CRMP1: variants seen among roughly 807,000 people sequenced by gnomAD.
The protein encoded by CRMP1 is collapsin response mediator protein 1.
In CRMP1, 19 loss-of-function variants were observed where a neutral mutation model predicts 68.3. That is an observed-to-expected ratio of 0.28 (90% CI 0.19 to 0.41). CRMP1 has a LOEUF of 0.41. Ranked by LOEUF, CRMP1 falls within the 10% of genes least tolerant of loss-of-function variation. The pLI, the probability that CRMP1 is intolerant of heterozygous loss-of-function variation, is 1.00. For missense variants in CRMP1, 791 were observed against 967.4 expected, an observed-to-expected ratio of 0.82 and a Z score of 2.42; for synonymous variants, 439 against 399.6, an observed-to-expected ratio of 1.10 and a Z score of -1.18.
Position 5,871,436 on chromosome 4 carries a change from G to A in CRMP1, c.382-4680C>T, listed in dbSNP as rs191585385. Among the ~76,000 whole-genome samples the A allele has an allele frequency of 3.1e-3, 467 of 152,172 alleles. 6 individuals are homozygous for A. Among genetic ancestry groups the A allele is most frequent in the African/African-American group, 0.011 (439 of 41,526 alleles). On this transcript the variant is annotated intron_variant, in intron 1 of 13. Transcript: ENST00000324989. ...AGCACTTTGGGAGGCTGAGGTGGGC[G>A]GATCACGAGGTCAGGAGATCAAGAC...
intron 13 of CRMP1, chr4:5,824,511 C>T: frequency 1.0e-6 from 1 of 985,292 alleles, no homozygotes; most frequent in South Asian, 4.7e-5. Context: ...TTTGCCCCTT[C>T]CACTCTCTCT....
In CRMP1 at chr4:5,860,223, C is replaced by T. The variant is rs768476840; in HGVS notation, c.655+803G>A. On this transcript the variant is annotated intron_variant, in intron 3 of 13. Transcript: ENST00000324989. The surrounding 1 kb of genome is among the most constrained non-coding windows in gnomAD (Gnocchi z 4.2). ...AATGGAATGTGGGTGGAAGTTGCAGCATGGAAGTGAGGAGATGAGGCAGTG... is the reference window on the plus strand; with the variant it reads ...AATGGAATGTGGGTGGAAGTTGCAGTATGGAAGTGAGGAGATGAGGCAGTG... 6.6e-6 allele frequency among the ~76,000 whole-genome samples: 1 copy of T among 152,144 alleles called. No homozygotes were observed. The highest frequency in any genetic ancestry group is 1.5e-5 in the Non-Finnish European group (1 of 68,042).
rs1343074508 is a variant in CRMP1 at position 5,891,040 on chromosome 4, G to C, written c.381+1549C>G. Among the ~76,000 whole-genome samples, 3 of 151,996 alleles carry C rather than the reference G, an allele frequency of 2.0e-5. No individual in the cohort carries two copies. The highest frequency in any genetic ancestry group is 2.9e-5 in the Non-Finnish European group (2 of 67,996). ...GCCCAGAAGCCTCCCCATCGGGCTC[G>C]GGAGTTTGGATCCCAAGAGAGGTCG... On this transcript the variant is annotated intron_variant, in intron 1 of 13. Coordinates refer to ENST00000324989, the MANE Select transcript of CRMP1 (RefSeq NM_001014809.3). This position sits in a 1 kb window ranked among gnomAD's most constrained non-coding sequence, Gnocchi z 5.2.
Position 5,881,561 on chromosome 4 carries a change from C to T in CRMP1, c.381+11028G>A, listed in dbSNP as rs544697841. 2.6e-5 allele frequency among the ~76,000 whole-genome samples: 4 copies of T among 152,260 alleles called. No individual in the cohort carries two copies. The highest frequency in any genetic ancestry group is 9.6e-5 in the African/African-American group (4 of 41,552). On this transcript the variant is annotated intron_variant, in intron 1 of 13. Transcript: ENST00000324989. The surrounding 1 kb of genome is among the most constrained non-coding windows in gnomAD (Gnocchi z 4.6). ...TTCAGCACCGTGGTGCTGTCCACTG[C>T]CCCGACCATGTTCTTTTATATGCTC...
At chr4:5,852,574 G>A (rs1712739966) in intron 4 of CRMP1, among the ~76,000 whole-genome samples, 1 of 152,188 alleles carries the variant, frequency 6.6e-6, no homozygotes, top group Middle Eastern at 3.2e-3. Context: ...TGCTGGGCAT[G>A]TGCTAAGCAC....
Position 5,890,171 on chromosome 4 carries a change from G to T in CRMP1, c.381+2418C>A. The T allele has an allele frequency of 5.7e-6, 1 of 175,936 alleles. No homozygotes were observed. The highest frequency in any genetic ancestry group is 5.5e-5 in the Admixed American group (1 of 18,246). 10.9% of individuals were successfully genotyped at this position (175,936 alleles called of 1,614,324 possible). On this transcript the variant is annotated intron_variant, in intron 1 of 13. Coordinates refer to ENST00000324989, the MANE Select transcript of CRMP1 (RefSeq NM_001014809.3). This position sits in a 1 kb window ranked among gnomAD's most constrained non-coding sequence, Gnocchi z 5.5. ...ACACTCCCTTCCTTGGAGTTGTTAA[G>T]TCCTAGGTTCCCCGTACCAGGGCGT... is the stretch of plus-strand genomic sequence containing the variant.
chr4:5,867,344 TC>T (rs1264105899), intron 1 of CRMP1, among the ~76,000 whole-genome samples: 1 of 152,180 alleles, frequency 6.6e-6, no homozygotes, highest in Non-Finnish European at 1.5e-5. Context: ...CACTGGCCCC[TC>T]CTCCCTTTTC....
rs1365830889 is a variant in CRMP1, at chr4:5,870,691, C to A, written c.382-3935G>T. Reference sequence around the variant, plus strand: ...ACATCCCGTTCTTCAGCAGGAGGGTCTCTGGAGGAAGATGTTTCAAGGTAA... The same window carrying A: ...ACATCCCGTTCTTCAGCAGGAGGGTATCTGGAGGAAGATGTTTCAAGGTAA... On this transcript the variant is annotated intron_variant, in intron 1 of 13. Transcript: ENST00000324989. The surrounding 1 kb of genome is among the most constrained non-coding windows in gnomAD (Gnocchi z 6.0). 6.6e-6 allele frequency among the ~76,000 whole-genome samples: 1 copy of A among 152,190 alleles called. No individual in the cohort carries two copies. The highest frequency in any genetic ancestry group is 1.5e-5 in the Non-Finnish European group (1 of 68,034).
chr4:5,880,757 C>T (rs968223012), intron 1 of CRMP1, among the ~76,000 whole-genome samples: 6 of 152,206 alleles, frequency 3.9e-5, no homozygotes, highest in Non-Finnish European at 7.3e-5. Flanking sequence ...TCTCATTCTG[C>T]ATAGTAACTA....
chr4:5,892,531 C>T lies in CRMP1; in HGVS notation c.381+58G>A. 1.7e-6 allele frequency: 2 copies of T among 1,158,774 alleles called. No homozygotes were observed. Among genetic ancestry groups the T allele is most frequent in the Non-Finnish European group, 2.1e-6 (2 of 940,948 alleles). 71.8% of individuals were successfully genotyped at this position (1,158,774 alleles called of 1,614,324 possible). A position where few individuals can be genotyped will look rare whatever the true frequency, so the allele number is the denominator to read the frequency against. On this transcript the variant is annotated intron_variant, in intron 1 of 13. Coordinates refer to ENST00000324989, the MANE Select transcript of CRMP1 (RefSeq NM_001014809.3). This position sits in a 1 kb window ranked among gnomAD's most constrained non-coding sequence, Gnocchi z 8.6. The stretch of plus-strand genomic sequence containing the variant: ...GGGCATGGCCCTCGGGCGCCCCATG[C>T]CCTGGGTCCTCCCGGGGCCCGCCCC...
intron 1 of CRMP1, among the ~76,000 whole-genome samples, chr4:5,871,353 C>T (rs1024842814): frequency 2.0e-5 from 3 of 152,092 alleles, no homozygotes; most frequent in African/African-American, 7.2e-5. Flanking sequence ...TACCCGGTGC[C>T]GTGAGTTTAG....
rs148593249 is a variant in CRMP1 at position 5,883,655 on chromosome 4, G to GACACACACACACACAC, written c.381+8918_381+8933dup. 1.0e-2 allele frequency among the ~76,000 whole-genome samples: 1,494 copies of GACACACACACACACAC among 149,658 alleles called. 11 individuals are homozygous for GACACACACACACACAC. Among genetic ancestry groups the GACACACACACACACAC allele is most frequent in the Middle Eastern group, 0.045 (13 of 288 alleles). On this transcript the variant is annotated intron_variant, in intron 1 of 13. Coordinates refer to ENST00000324989, the MANE Select transcript of CRMP1 (RefSeq NM_001014809.3). This position sits in a 1 kb window ranked among gnomAD's most constrained non-coding sequence, Gnocchi z 4.5. ...AGATGGCAAGATAATTAAGGTCAGG[G>GACACACACACACACAC]ACACACACACACACACACACACACA...
At chr4:5,824,493 T>C (rs1348824568) in intron 13 of CRMP1, 1 of 985,184 alleles carries the variant, frequency 1.0e-6, no homozygotes, top group Admixed American at 6.1e-5. Context: ...CCTCTCTCTC[T>C]CTCTCTCTTT....
In CRMP1 at chr4:5,891,164, C is replaced by CCACACA. The variant is rs1239944357; in HGVS notation, c.381+1419_381+1424dup. ...ATCTCCCTTTCTGATCACCCCACCA[C>CCACACA]CACACACACATACACACACACACAC... On this transcript the variant is annotated intron_variant, in intron 1 of 13. Transcript: ENST00000324989. The surrounding 1 kb of genome is among the most constrained non-coding windows in gnomAD (Gnocchi z 5.2). 2.1e-4 allele frequency among the ~76,000 whole-genome samples: 13 copies of CCACACA among 63,376 alleles called. No individual in the cohort carries two copies. Among genetic ancestry groups the CCACACA allele is most frequent in the East Asian group, 6.3e-4 (1 of 1,600 alleles). The allele number at this position is 63,376 out of a possible 152,430, so 41.6% of individuals were successfully genotyped here.
rs544139530 is a variant in CRMP1 at position 5,826,226 on chromosome 4, G to C, written c.1804-567C>G. On this transcript the variant is annotated intron_variant, in intron 12 of 13. Transcript: ENST00000324989. ...TGACACTACCACCTACCCACCCCCG[G>C]AAAGGACCCCTGAGTCCCAGACAAG... The C allele has an allele frequency of 1.8e-4, 26 of 144,738 alleles. 1 individual carries two copies. The South Asian group carries it at 5.4e-3, about 30-fold the overall frequency. 9.0% of individuals were successfully genotyped at this position (144,738 alleles called of 1,614,324 possible). A position where few individuals can be genotyped will look rare whatever the true frequency, so the allele number is the denominator to read the frequency against.
chr4:5,892,907 C>G lies in CRMP1; in HGVS notation c.63G>C (p.Pro21=), dbSNP rs1577860213. Residue 21 remains proline, a synonymous_variant, in exon 1 of 14, where the codon CCG becomes CCC. Coordinates refer to ENST00000324989, the MANE Select transcript of CRMP1 (RefSeq NM_001014809.3). The surrounding 1 kb of genome is among the most constrained non-coding windows in gnomAD (Gnocchi z 8.6). The stretch of plus-strand genomic sequence containing the variant: ...GGCGCGGGGTCTGCGCCGCGCTGCC[C>G]GGCCGCGCCAGGTACACGGGCAGGT... ...EDDLPVYLAR[P]GSAAQTPRQK... 1.5e-6 allele frequency: 2 copies of G among 1,361,604 alleles called. No individual in the cohort carries two copies. The highest frequency in any genetic ancestry group is 1.5e-5 in the African/African-American group (1 of 65,102). The allele number at this position is 1,361,604 out of a possible 1,614,324, so 84.3% of individuals were successfully genotyped here. A position where few individuals can be genotyped will look rare whatever the true frequency, so the allele number is the denominator to read the frequency against.
rs564627983 is a variant in CRMP1, at chr4:5,855,818, A to G, written c.820+325T>C. Among the ~76,000 whole-genome samples, 1 of 152,230 alleles carries G rather than the reference A, an allele frequency of 6.6e-6. No individual in the cohort carries two copies. Among genetic ancestry groups the G allele is most frequent in the Non-Finnish European group, 1.5e-5 (1 of 68,048 alleles). ...TCCACATGAGCAAGGGCCTCACAGC[A>G]TAGCCAGTTTCAGGGATGGCAGCCA... On this transcript the variant is annotated intron_variant, in intron 4 of 13. Transcript: ENST00000324989. The surrounding 1 kb of genome is among the most constrained non-coding windows in gnomAD (Gnocchi z 4.9).
intron 1 of CRMP1, among the ~76,000 whole-genome samples, chr4:5,868,257 A>ATATCTATC (rs1201999131): frequency 4.0e-4 from 33 of 82,390 alleles, no homozygotes; most frequent in Middle Eastern, 6.0e-3. Context: ...TCATGACTAT[A>ATATCTATC]TATCTATATA....
Position 5,888,142 on chromosome 4 carries a change from G to A in CRMP1, c.381+4447C>T, listed in dbSNP as rs897984826. The A allele has an allele frequency of 5.4e-5, 66 of 1,223,788 alleles. No individual in the cohort carries two copies. The highest frequency in any genetic ancestry group is 5.7e-4 in the Middle Eastern group (2 of 3,502). 75.8% of individuals were successfully genotyped at this position (1,223,788 alleles called of 1,614,324 possible). ...GGAGGCCTCGGGGGGCGCCCCTGCC[G>A]GCGCCCCGTGGATCTGGACCCTGCC... On this transcript the variant is annotated intron_variant, in intron 1 of 13. Transcript: ENST00000324989. This position sits in a 1 kb window ranked among gnomAD's most constrained non-coding sequence, Gnocchi z 6.4.
Sources: allele counts gnomAD v4.1 joint callset (sites outside exome capture counted in the v4.1 genomes callset), GRCh38; gene constraint gnomAD v4.1.1; non-coding constraint Gnocchi (gnomAD v3.1); transcripts MANE v1.5; gene names NCBI Gene and HGNC (gene_info 2026-07-23, HGNC 2026-07-21).